SEMA3F: variants seen among roughly 807,000 people sequenced by gnomAD.
SEMA3F encodes semaphorin-3F.
A neutral mutation model predicts 98.5 loss-of-function variants in SEMA3F; 30 were observed. The observed-to-expected ratio is 0.30, with a 90% CI of 0.23 to 0.41. The LOEUF is 0.41. Ranked by LOEUF, SEMA3F falls within the 10% of genes least tolerant of loss-of-function variation. The pLI is 1.00. For synonymous variants in SEMA3F, 380 were observed against 444.8 expected (o/e 0.85, Z 1.83); for missense variants, 866 against 1,119.3 (o/e 0.77, Z 3.23).
Position 50,155,719 on chromosome 3 carries a change from G to A in SEMA3F, c.-49+155G>A, listed in dbSNP as rs902138884. The A allele has an allele frequency of 4.3e-6, 1 of 230,504 alleles. No individual in the cohort carries two copies. The highest frequency in any genetic ancestry group is 2.3e-5 in the African/African-American group (1 of 43,288). The allele number at this position is 230,504 out of a possible 1,614,324, so 14.3% of individuals were successfully genotyped here. Reference sequence around the variant, plus strand: ...CGCGGACATAGGGGCAACAAGGCTGGGGTGGGATTCTTACCTGTCCTGGAG... The same window carrying A: ...CGCGGACATAGGGGCAACAAGGCTGAGGTGGGATTCTTACCTGTCCTGGAG... On this transcript the variant is annotated intron_variant, in intron 1 of 18. Transcript: ENST00000002829. This position sits in a 1 kb window ranked among gnomAD's most constrained non-coding sequence, Gnocchi z 4.9.
At chr3:50,174,995 C>T (rs1698753705) in intron 5 of SEMA3F, 101 bp from the exon 6 acceptor site, 14 of 783,916 alleles carry the variant, frequency 1.8e-5, no homozygotes, top group Admixed American at 1.0e-4. Flanking sequence ...CACGTGTTCA[C>T]GTGTGTTCCT....
chr3:50,165,219 C>T (rs1231747446), intron 2 of SEMA3F, among the ~76,000 whole-genome samples: 1 of 152,094 alleles, frequency 6.6e-6, no homozygotes, highest in Non-Finnish European at 1.5e-5. Flanking sequence ...AGCTGGAGCA[C>T]AGGGAGGGTG....
Position 50,166,711 on chromosome 3 carries a change from T to A in SEMA3F, c.112+6977T>A, listed in dbSNP as rs1050584439. On this transcript the variant is annotated intron_variant, in intron 2 of 18. Transcript: ENST00000002829. This position sits in a 1 kb window ranked among gnomAD's most constrained non-coding sequence, Gnocchi z 4.7. ...AGGAATCCGAGGAAGGCCGCAGAGA[T>A]GGGGGCTGGGCCCAGGGGAGGGGGA... Among the ~76,000 whole-genome samples the A allele has an allele frequency of 4.6e-5, 7 of 151,992 alleles. No individual in the cohort carries two copies. Among genetic ancestry groups the A allele is most frequent in the Admixed American group, 2.6e-4 (4 of 15,280 alleles).
intron 2 of SEMA3F, among the ~76,000 whole-genome samples, chr3:50,167,401 G>A (rs552927524): frequency 1.3e-5 from 2 of 152,310 alleles, no homozygotes; most frequent in East Asian, 3.9e-4. Flanking sequence ...CCCGGCTGGC[G>A]AGTCAGGGAG....
intron 7 of SEMA3F, among the ~76,000 whole-genome samples, 174 bp downstream of exon 7, chr3:50,177,035 G>A (rs1338305155): frequency 6.6e-6 from 1 of 152,248 alleles, no homozygotes; most frequent in Middle Eastern, 3.2e-3. Context: ...CCCACTGTGA[G>A]CTGAGGTCAG....
chr3:50,185,211 G>A (rs1699162493), intron 13 of SEMA3F, among the ~76,000 whole-genome samples: 1 of 152,198 alleles, frequency 6.6e-6, no homozygotes, highest in Admixed American at 6.5e-5. Flanking sequence ...CCAGTGTCCT[G>A]TTCTCAGCAG....
At chr3:50,171,815 C>T (rs1473747891) in intron 2 of SEMA3F, among the ~76,000 whole-genome samples, 1 of 152,222 alleles carries the variant, frequency 6.6e-6, no homozygotes, top group East Asian at 1.9e-4. Flanking sequence ...CGCCGCTGGA[C>T]AGGCGGGTGA....
chr3:50,164,627 G>C (rs1004437977), intron 2 of SEMA3F, among the ~76,000 whole-genome samples: 2 of 152,198 alleles, frequency 1.3e-5, no homozygotes, highest in African/African-American at 4.8e-5. Flanking sequence ...TGGTGGCTGA[G>C]CTAGCTGGTC....
intron 2 of SEMA3F, among the ~76,000 whole-genome samples, chr3:50,169,152 G>T (rs1459739953): frequency 6.6e-6 from 1 of 152,206 alleles, no homozygotes; most frequent in Non-Finnish European, 1.5e-5. Context: ...ACGCAGACCT[G>T]ATGTCCTGGA....
In SEMA3F at chr3:50,188,016, GC is replaced by G. The variant is rs866177282; in HGVS notation, c.2265del (p.Ser756AlafsTer59). 3 of 1,601,102 alleles carry G rather than the reference GC, an allele frequency of 1.9e-6. No individual in the cohort carries two copies. Among genetic ancestry groups the G allele is most frequent in the South Asian group, 1.1e-5 (1 of 89,128 alleles). ...QYCQGYWRHV[P>X]PSPREAPGAP... ...ACTGCCAGGGTTACTGGCGCCATGTGCCCCCCAGCCCCAGGGAGGCTCCAGG... is the reference window on the plus strand; with the variant it reads ...ACTGCCAGGGTTACTGGCGCCATGTGCCCCCAGCCCCAGGGAGGCTCCAGG... On this transcript the variant is annotated frameshift_variant, in exon 19 of 19. Transcript: ENST00000002829. LOFTEE classifies it high-confidence loss of function. This position sits in a 1 kb window ranked among gnomAD's most constrained non-coding sequence, Gnocchi z 4.5.
At chr3:50,169,876 TCTGGCAC>T (rs1278529890) in intron 2 of SEMA3F, among the ~76,000 whole-genome samples, 2 of 152,128 alleles carry the variant, frequency 1.3e-5, no homozygotes, top group Non-Finnish European at 2.9e-5. Context: ...CCTGGTAGGA[TCTGGCAC>T]CTGCTGATGG....
At chr3:50,179,980 C>A in intron 7 of SEMA3F, among the ~76,000 whole-genome samples, 1 of 152,152 alleles carries the variant, frequency 6.6e-6, no homozygotes, top group East Asian at 1.9e-4. Flanking sequence ...GTTTCACTTT[C>A]TTATCATTTG....
At chr3:50,174,524 AC>A (rs1698734369) in intron 5 of SEMA3F, among the ~76,000 whole-genome samples, 174 bp downstream of exon 5, 1 of 152,272 alleles carries the variant, frequency 6.6e-6, no homozygotes, top group Non-Finnish European at 1.5e-5. Flanking sequence ...AATGGGGCTA[AC>A]CGCTGCCTTT....
intron 7 of SEMA3F, among the ~76,000 whole-genome samples, chr3:50,181,308 GTT>G (rs939566386): frequency 6.9e-6 from 1 of 144,080 alleles, no homozygotes. Flanking sequence ...GTTTTTTTGT[GTT>G]TTTTTTTTTT....
chr3:50,174,944 G>A (rs998743772), intron 5 of SEMA3F, 152 bp from the exon 6 acceptor site: 1 of 642,276 alleles, frequency 1.6e-6, no homozygotes, highest in East Asian at 2.7e-5. Context: ...CCAAGCCTGT[G>A]TGTATGTATG....
At chr3:50,181,626 C>CTT (rs879346985) in intron 7 of SEMA3F, among the ~76,000 whole-genome samples, 1 of 136,968 alleles carries the variant, frequency 7.3e-6, no homozygotes, top group African/African-American at 2.7e-5. Flanking sequence ...TGCCCGGCCT[C>CTT]TTTTTTTTTT....
chr3:50,183,028 C>T lies in SEMA3F; in HGVS notation c.1018+10C>T. 1.9e-6 allele frequency: 3 copies of T among 1,609,622 alleles called. No individual in the cohort carries two copies. Among genetic ancestry groups the T allele is most frequent in the Non-Finnish European group, 2.6e-6 (3 of 1,176,282 alleles). ...CACTTTGATGAGCTCCGTGAGTGCC[C>T]AGCAGGCAGGCAGGGTGCTCTGGCT... On this transcript the variant is annotated intron_variant, in intron 10 of 18. Coordinates refer to ENST00000002829, the MANE Select transcript of SEMA3F (RefSeq NM_004186.5).
At position 50,187,479 on chromosome 3, in the gene SEMA3F, T is replaced by G. The variant is rs138546000; in HGVS notation, c.1948-226T>G. Among the ~76,000 whole-genome samples, 10 of 152,088 alleles carry G rather than the reference T, an allele frequency of 6.6e-5. No individual in the cohort carries two copies. In the East Asian group the frequency reaches 1.9e-3, roughly 29 times the overall value. On this transcript the variant is annotated intron_variant, in intron 18 of 18. Transcript: ENST00000002829. Reference sequence around the variant, plus strand: ...TGTGTGTGCTTCAAATTTTCCTCATTGTACAGAACCTCCTTATGGTCATCA... The same window carrying G: ...TGTGTGTGCTTCAAATTTTCCTCATGGTACAGAACCTCCTTATGGTCATCA...
At position 50,182,854 on chromosome 3, in the gene SEMA3F, G is replaced by A; in HGVS notation, c.904-50G>A. 1 of 1,611,406 alleles carries A rather than the reference G, an allele frequency of 6.2e-7. No individual in the cohort carries two copies. Among genetic ancestry groups the A allele is most frequent in the South Asian group, 1.1e-5 (1 of 90,976 alleles). Reference sequence around the variant, plus strand: ...GCTTCATCAGCCCTGCTCCAGCCAGGGCTTGGGGTCAAGAGCTGATCTGAC... The same window carrying A: ...GCTTCATCAGCCCTGCTCCAGCCAGAGCTTGGGGTCAAGAGCTGATCTGAC... On this transcript the variant is annotated intron_variant, in intron 9 of 18. Transcript: ENST00000002829. This position sits in a 1 kb window ranked among gnomAD's most constrained non-coding sequence, Gnocchi z 4.5.
Sources: allele counts gnomAD v4.1 joint callset (sites outside exome capture counted in the v4.1 genomes callset), GRCh38; gene constraint gnomAD v4.1.1; non-coding constraint Gnocchi (gnomAD v3.1); transcripts MANE v1.5; gene names NCBI Gene and HGNC (gene_info 2026-07-23, HGNC 2026-07-21).